HCN1: variants seen among roughly 807,000 people sequenced by gnomAD.
The protein encoded by HCN1 is potassium/sodium hyperpolarization-activated cyclic nucleotide-gated channel 1.
In HCN1, 13 loss-of-function variants were observed where a neutral mutation model predicts 78.9. The ratio of observed to expected loss-of-function variants is 0.16; its 90% confidence interval spans 0.11 to 0.26. The LOEUF (loss-of-function observed/expected upper bound fraction) is 0.26, where lower values mean the gene tolerates loss of function less well. HCN1 is among the 10% of genes least tolerant of loss of function. The probability of loss-of-function intolerance (pLI) is 1.00; values close to 1 mark genes in which losing one functional copy is unlikely to be tolerated. For missense variants in HCN1, 810 were observed against 1,154.3 expected (o/e 0.70, Z 4.32); for synonymous variants, 552 against 455.5 (o/e 1.21, Z -2.70).
chr5:45,695,951 GC>G lies in HCN1; in HGVS notation c.142del (p.Ala48ProfsTer100). The G allele has an allele frequency of 1.5e-6, 2 of 1,342,388 alleles. No homozygotes were observed. Among genetic ancestry groups the G allele is most frequent in the Admixed American group, 3.9e-5 (1 of 25,434 alleles). 83.2% of individuals were successfully genotyped at this position (1,342,388 alleles called of 1,614,324 possible). A position where few individuals can be genotyped will look rare whatever the true frequency, so the allele number is the denominator to read the frequency against. ...GGAGTTGCCGTGCTCCTTCGCGCCGGCCCCGCCGCCCCCCGGCGGGGTGCCC... is the reference window on the plus strand; with the variant it reads ...GGAGTTGCCGTGCTCCTTCGCGCCGGCCCGCCGCCCCCCGGCGGGGTGCCC... Reference protein sequence around the residue: ...RLGTPPGGGGAGAKEHGNSVC... With the variant: ...RLGTPPGGGGXGAKEHGNSVC... On this transcript the variant is annotated frameshift_variant, in exon 1 of 8. Transcript: ENST00000303230. LOFTEE classifies it high-confidence loss of function.
intron 2 of HCN1, among the ~76,000 whole-genome samples, chr5:45,515,511 T>C (rs1256044721): frequency 6.6e-6 from 1 of 152,028 alleles, no homozygotes; most frequent in Non-Finnish European, 1.5e-5. Flanking sequence ...ACTTTTATTC[T>C]ATGCAAACCA....
intron 2 of HCN1, among the ~76,000 whole-genome samples, chr5:45,545,439 C>A (rs1333476218): frequency 6.6e-6 from 1 of 152,130 alleles, no homozygotes; most frequent in Non-Finnish European, 1.5e-5. Context: ...TGTGCAGAAG[C>A]TCTTTAGTTT....
intron 2 of HCN1, among the ~76,000 whole-genome samples, chr5:45,516,786 C>G (rs1742523750): frequency 6.6e-6 from 1 of 152,004 alleles, no homozygotes; most frequent in East Asian, 1.9e-4. Context: ...TTTGATCAGA[C>G]TTGGTATCTT....
At chr5:45,645,662 C>T in intron 1 of HCN1, 54 bp from the exon 2 acceptor site, 3 of 1,170,810 alleles carry the variant, frequency 2.6e-6, no homozygotes, top group Non-Finnish European at 3.7e-6. Context: ...CCAGCCTATC[C>T]CCCCCATGAA....
chr5:45,406,611 T>C (rs1276891885), intron 3 of HCN1, among the ~76,000 whole-genome samples: 1 of 152,194 alleles, frequency 6.6e-6, no homozygotes, highest in Non-Finnish European at 1.5e-5. Flanking sequence ...ATTTATGTCA[T>C]AACCGTTTAT....
chr5:45,410,030 GC>G (rs1739995391), intron 3 of HCN1, among the ~76,000 whole-genome samples: 1 of 151,820 alleles, frequency 6.6e-6, no homozygotes, highest in African/African-American at 2.4e-5. Flanking sequence ...TGTCTGATGT[GC>G]TTGCAAGTAT....
chr5:45,287,993 G>C (rs1745301681), intron 6 of HCN1, among the ~76,000 whole-genome samples: 1 of 152,032 alleles, frequency 6.6e-6, no homozygotes, highest in Admixed American at 6.6e-5. Flanking sequence ...GCAAACCCTA[G>C]TGAGGTAGGA....
intron 2 of HCN1, among the ~76,000 whole-genome samples, chr5:45,611,269 C>CTTTTTTTTTTTTTTT (rs1054830050): frequency 1.8e-5 from 2 of 113,732 alleles, no homozygotes; most frequent in African/African-American, 3.1e-5. Context: ...TTATCTTTTT[C>CTTTTTTTTTTTTTTT]TTTTTTTTTT....
Position 45,262,731 on chromosome 5 carries a change from G to A in HCN1, c.1863C>T (p.Ile621=). Residue 621 remains isoleucine (I), a synonymous_variant, in exon 8 of 8, where the codon ATC becomes ATT. Coordinates refer to ENST00000303230, the MANE Select transcript of HCN1 (RefSeq NM_021072.4). The part of the protein sequence containing the change: ...TGVFNNQENE[I]LKQIVKHDRE... ...TGTCATGTTTCACAATCTGCTTGAGGATTTCGTTCTCCTGATTGTTGAAAA... is the reference window on the plus strand; with the variant it reads ...TGTCATGTTTCACAATCTGCTTGAGAATTTCGTTCTCCTGATTGTTGAAAA... The A allele has an allele frequency of 6.2e-7, 1 of 1,614,114 alleles. No homozygotes were observed. Among genetic ancestry groups the A allele is most frequent in the Non-Finnish European group, 8.5e-7 (1 of 1,180,018 alleles).
Position 45,303,595 on chromosome 5 carries a change from T to C in HCN1, c.1618+4A>G. On this transcript the variant is annotated splice_donor_region_variant and intron_variant, in intron 6 of 7. Transcript: ENST00000303230. Reference sequence around the variant, plus strand: ...TTCATCTTAGTTGCATCTTTTTTACTAACCTCCAAAGTAAGAGCCATCTGT... The same window carrying C: ...TTCATCTTAGTTGCATCTTTTTTACCAACCTCCAAAGTAAGAGCCATCTGT... 1 of 1,613,282 alleles carries C rather than the reference T, an allele frequency of 6.2e-7. No individual in the cohort carries two copies. The highest frequency in any genetic ancestry group is 1.1e-5 in the South Asian group (1 of 91,060).
intron 5 of HCN1, among the ~76,000 whole-genome samples, chr5:45,347,044 G>T (rs973470243): frequency 1.3e-5 from 2 of 152,222 alleles, no homozygotes; most frequent in African/African-American, 4.8e-5. Context: ...GGAGATCTGA[G>T]AACAGGCAGA....
At chr5:45,553,981 CTG>C (rs1401193243) in intron 2 of HCN1, among the ~76,000 whole-genome samples, 2 of 151,912 alleles carry the variant, frequency 1.3e-5, no homozygotes, top group Admixed American at 1.3e-4. Flanking sequence ...TGTTACAGAT[CTG>C]TGTTTCTTAC....
intron 3 of HCN1, among the ~76,000 whole-genome samples, chr5:45,449,411 G>A (rs1022627991): frequency 6.6e-6 from 1 of 152,032 alleles, no homozygotes; most frequent in African/African-American, 2.4e-5. Context: ...TTCAGTTTTT[G>A]TTGAAGTAGA....
chr5:45,540,977 A>G (rs1305204782), intron 2 of HCN1, among the ~76,000 whole-genome samples: 1 of 152,180 alleles, frequency 6.6e-6, no homozygotes, highest in Non-Finnish European at 1.5e-5. Context: ...ATGGAATACA[A>G]CTGAAATCCA....
At chr5:45,557,810 C>T (rs571551800) in intron 2 of HCN1, 1 of 152,194 alleles carries the variant, frequency 6.6e-6, no homozygotes, top group Admixed American at 6.6e-5. Context: ...GTTGTGTGTG[C>T]TCTGACTGCT....
chr5:45,478,675 C>G (rs1267244021), intron 2 of HCN1, among the ~76,000 whole-genome samples: 1 of 152,108 alleles, frequency 6.6e-6, no homozygotes, highest in Non-Finnish European at 1.5e-5. Flanking sequence ...ACCAGTGTGG[C>G]CAGAACAGAG....
chr5:45,415,390 A>T (rs1458715059), intron 3 of HCN1, among the ~76,000 whole-genome samples: 2 of 151,924 alleles, frequency 1.3e-5, no homozygotes, highest in Non-Finnish European at 2.9e-5. Flanking sequence ...TCTCATGAGA[A>T]TCACAAAAAC....
At position 45,258,571 on chromosome 5, in the gene HCN1, C is replaced by T. The variant is rs184539726; in HGVS notation, c.*3350G>A. 7.2e-5 allele frequency: 11 copies of T among 152,136 alleles called. No individual in the cohort carries two copies. The East Asian group carries it at 2.1e-3, about 30-fold the overall frequency. 9.4% of individuals were successfully genotyped at this position (152,136 alleles called of 1,614,324 possible). ...CTACTTATTCTCATTATGATAAACT[C>T]TATCTCAGGCTTTTAGGTATCATTT... On this transcript the variant is annotated 3_prime_UTR_variant, in exon 8 of 8. Transcript: ENST00000303230.
At chr5:45,601,996 G>A (rs1361304771) in intron 2 of HCN1, among the ~76,000 whole-genome samples, 1 of 152,024 alleles carries the variant, frequency 6.6e-6, no homozygotes, top group African/African-American at 2.4e-5. Flanking sequence ...TTGTGATAGT[G>A]TGTTAGATCT....
Sources: allele counts gnomAD v4.1 joint callset (sites outside exome capture counted in the v4.1 genomes callset), GRCh38; gene constraint gnomAD v4.1.1; transcripts MANE v1.5; gene names NCBI Gene and HGNC (gene_info 2026-07-23, HGNC 2026-07-21).